Variants in DENND5A observed in about 807,000 individuals in gnomAD.
The protein encoded by DENND5A is DENN domain-containing protein 5A.
DENND5A carries 64 observed loss-of-function variants against 140.3 expected under a neutral mutation model. The ratio of observed to expected loss-of-function variants is 0.46; its 90% CI spans 0.37 to 0.56. The LOEUF (loss-of-function observed/expected upper bound fraction) is 0.56, where lower values mean the gene tolerates loss of function less well. Ranked by LOEUF, DENND5A falls within the 20% of genes least tolerant of loss-of-function variation. The pLI, the probability that DENND5A is intolerant of heterozygous loss-of-function variation, is 0.00. For synonymous variants in DENND5A, 605 were observed against 607.7 expected (o/e 1.00, Z 0.07); for missense variants, 1,292 against 1,593.8 (o/e 0.81, Z 3.22).
intron 8 of DENND5A, chr11:9,175,305 AACCTGT>A (rs1848510520): frequency 6.6e-6 from 1 of 152,204 alleles, no homozygotes; most frequent in Non-Finnish European, 1.5e-5. Context: ...AGACATATAA[AACCTGT>A]ACCCTGAAAA....
rs1202114329 is a variant in DENND5A, at chr11:9,141,955, A to G, written c.3665T>C (p.Val1222Ala). Residue 1222 changes from valine (V) to alanine (A), a missense_variant, in exon 22 of 23, where the codon GTG (valine) becomes GCG (alanine). Transcript: ENST00000328194. ...TCTGCAGTACCTGGCTCCCAAGCAC[A>G]CCAGCATCTGAAACTTGCCATCCTT... ...IGKDGKFQML[V>A]CLGARDHLLH... is the part of the protein sequence containing the mutation. 6.3e-7 allele frequency: 1 copy of G among 1,598,276 alleles called. No individual in the cohort carries two copies. The highest frequency in any genetic ancestry group is 1.1e-5 in the South Asian group (1 of 87,902).
At chr11:9,169,495 G>GCGCGCACACACA (rs1554916426) in intron 10 of DENND5A, among the ~76,000 whole-genome samples, 7 of 145,804 alleles carry the variant, frequency 4.8e-5, no homozygotes, top group African/African-American at 1.8e-4. Context: ...ATATACACAC[G>GCGCGCACACACA]CACACACACA....
intron 12 of DENND5A, among the ~76,000 whole-genome samples, chr11:9,159,965 A>G (rs1303491627): frequency 6.6e-6 from 1 of 152,200 alleles, no homozygotes; most frequent in East Asian, 1.9e-4. Flanking sequence ...GATTGTTGCT[A>G]TACCCATTAG....
rs1375570953 is a variant in DENND5A at position 9,204,154 on chromosome 11, G to A, written c.455C>T (p.Thr152Ile). The A allele has an allele frequency of 1.2e-6, 2 of 1,614,104 alleles. No individual in the cohort carries two copies. Among genetic ancestry groups the A allele is most frequent in the Non-Finnish European group, 1.7e-6 (2 of 1,179,986 alleles). ...TSKQICSAMQ[T>I]LYHMHNAEYD... ...CTCAGCATTGTGCATGTGGTAGAGG[G>A]TCTGCATTGCACTGCAGATCTGCTT... The change falls in exon 4 of 23, where the codon ACC (threonine) becomes ATC (isoleucine). Residue 152 changes from threonine (T) to isoleucine (I), a missense_variant. Coordinates refer to ENST00000328194, the MANE Select transcript of DENND5A (RefSeq NM_015213.4).
intron 1 of DENND5A, among the ~76,000 whole-genome samples, chr11:9,246,978 C>T (rs1851500742): frequency 6.6e-6 from 1 of 152,114 alleles, no homozygotes; most frequent in South Asian, 2.1e-4. Flanking sequence ...CGCCTGTAAT[C>T]CCAGCACTCT....
chr11:9,178,968 C>T lies in DENND5A; in HGVS notation c.1561G>A (p.Ala521Thr), dbSNP rs1236379978. ...QLNIQIREVF[A>T]NRFTQMFADY... ...GCAAACATCTGAGTGAAACGATTTG[C>T]AAAAACTTCCCGGATCTGAATGTTT... The change falls in exon 7 of 23, where the codon GCA (alanine) becomes ACA (threonine). Residue 521 changes from alanine (A) to threonine (T), a missense_variant. By Grantham distance (58) the Ala-to-Thr change is moderately conservative. This residue lies in a region of DENND5A where 566 missense variants were observed against 650.4 expected (regional missense o/e 0.87). Coordinates refer to ENST00000328194, the MANE Select transcript of DENND5A (RefSeq NM_015213.4). 2 of 1,614,124 alleles carry T rather than the reference C, an allele frequency of 1.2e-6. No homozygotes were observed. The highest frequency in any genetic ancestry group is 1.7e-6 in the Non-Finnish European group (2 of 1,180,010).
At chr11:9,264,284 A>G (rs899832023) in intron 1 of DENND5A, among the ~76,000 whole-genome samples, 14 of 152,112 alleles carry the variant, frequency 9.2e-5, no homozygotes, top group Non-Finnish European at 5.9e-5. Context: ...CTCTCCAACT[A>G]CAATGCTGCT....
chr11:9,155,395 A>G (rs1462681968), intron 12 of DENND5A, among the ~76,000 whole-genome samples: 1 of 152,176 alleles, frequency 6.6e-6, no homozygotes, highest in Non-Finnish European at 1.5e-5. Flanking sequence ...ATGCAATAAC[A>G]CTAAAGAGCC....
rs780250822 is a variant in DENND5A, at chr11:9,193,596, G to A, written c.1035C>T (p.Leu345=). ...CTAAGAAATGCAGGAGAGAAGCTGG[G>A]AGAATAGGGACATAGACATGCTGCC... ...FQWQHVYVPI[L]PASLLHFLDA... The change falls in exon 5 of 23, where the codon CTC becomes CTT. Residue 345 remains leucine, a synonymous_variant. Transcript: ENST00000328194. 2 of 1,614,112 alleles carry A rather than the reference G, an allele frequency of 1.2e-6. No homozygotes were observed. The highest frequency in any genetic ancestry group is 2.2e-5 in the South Asian group (2 of 91,078).
chr11:9,206,857 G>T, intron 2 of DENND5A, 75 bp from the exon 3 acceptor site: 1 of 1,088,034 alleles, frequency 9.2e-7, no homozygotes, highest in Admixed American at 1.8e-5. Flanking sequence ...GTCTGAGCTT[G>T]GTAGTCCAGC....
intron 1 of DENND5A, among the ~76,000 whole-genome samples, chr11:9,240,618 G>A (rs1851195916): frequency 6.6e-6 from 1 of 151,996 alleles, no homozygotes; most frequent in Non-Finnish European, 1.5e-5. Flanking sequence ...GATGAGGTGG[G>A]AGGATCACTT....
intron 8 of DENND5A, among the ~76,000 whole-genome samples, chr11:9,173,904 A>G (rs1455865770): frequency 6.6e-6 from 1 of 152,040 alleles, no homozygotes; most frequent in Admixed American, 6.6e-5. Flanking sequence ...GGAGATCAAG[A>G]GATCAAGACC....
At chr11:9,169,971 C>G in intron 9 of DENND5A, 22 bp from the exon 10 acceptor site, 1 of 1,542,654 alleles carries the variant, frequency 6.5e-7, no homozygotes, top group East Asian at 2.2e-5. Flanking sequence ...AGAACCAAAG[C>G]AGGCAATTAA....
intron 22 of DENND5A, 72 bp from the exon 23 acceptor site, chr11:9,139,926 C>A: frequency 6.9e-7 from 1 of 1,454,534 alleles, no homozygotes; most frequent in South Asian, 1.2e-5. Flanking sequence ...TAGTGCAAGG[C>A]CAAGGGGGAA....
At chr11:9,250,044 T>C (rs55728618) in intron 1 of DENND5A, among the ~76,000 whole-genome samples, 3 of 138,468 alleles carry the variant, frequency 2.2e-5, no homozygotes, top group South Asian at 2.3e-4. Context: ...AAATAAAATT[T>C]AAAAAAAAAA....
At chr11:9,206,625 T>C (rs1220667942) in intron 3 of DENND5A, 48 bp downstream of exon 3, 5 of 1,354,852 alleles carry the variant, frequency 3.7e-6, no homozygotes, top group Admixed American at 1.7e-5. Context: ...AATCCTATTA[T>C]AAATTACTCT....
At chr11:9,181,138 G>A in intron 5 of DENND5A, 54 bp from the exon 6 acceptor site, 2 of 1,517,288 alleles carry the variant, frequency 1.3e-6, no homozygotes, top group South Asian at 1.3e-5. Flanking sequence ...ATTACAGGAA[G>A]AAGTTTTAGA....
chr11:9,253,829 G>T (rs1851829492), intron 1 of DENND5A, among the ~76,000 whole-genome samples: 1 of 151,524 alleles, frequency 6.6e-6, no homozygotes, highest in Non-Finnish European at 1.5e-5. Flanking sequence ...TCACACCACT[G>T]CACTTTGGCC....
intron 11 of DENND5A, among the ~76,000 whole-genome samples, chr11:9,163,365 A>G (rs1368865027): frequency 6.6e-6 from 1 of 152,214 alleles, no homozygotes; most frequent in Non-Finnish European, 1.5e-5. Context: ...TTGTGATGTT[A>G]CATTGATTAC....
Sources: gnomAD v4.1 joint callset for allele counts (sites outside exome capture counted in the v4.1 genomes callset) on GRCh38, gnomAD v4.1.1 for gene constraint, gnomAD v4.1.1 regional missense constraint, MANE v1.5 for transcripts, NCBI Gene and HGNC (gene_info 2026-07-23, HGNC 2026-07-21) for gene names.